Variants in SLC39A10 observed in about 807,000 individuals in gnomAD.
SLC39A10 encodes the protein zinc transporter ZIP10.
In SLC39A10, 13 loss-of-function variants were observed where a neutral mutation model predicts 65.1. The observed-to-expected ratio is 0.20, with a 90% CI of 0.13 to 0.32. SLC39A10 has a LOEUF of 0.32. Among genes scored for constraint, SLC39A10 ranks in the 10% least tolerant of loss-of-function variants. SLC39A10 has a pLI of 1.00. For missense variants in SLC39A10, 831 were observed against 1,018.4 expected (o/e 0.82, Z 2.50); for synonymous variants, 321 against 342.2 (o/e 0.94, Z 0.68).
chr2:195,666,343 T>A (rs1689636081), intron 1 of SLC39A10, among the ~76,000 whole-genome samples: 1 of 152,170 alleles, frequency 6.6e-6, no homozygotes, highest in African/African-American at 2.4e-5. Flanking sequence ...AATGGCAAGC[T>A]GGTATAAAAT....
At position 195,634,955 on chromosome 2, in the gene SLC39A10, G is replaced by A. The variant is rs558330246; in HGVS notation, c.-12+28722G>A. Reference sequence around the variant, plus strand: ...CCTAGCTACTCGGGAGGCTAAGGCAGAAGGATTGGTTGAACCTGGGAGGTG... The same window carrying A: ...CCTAGCTACTCGGGAGGCTAAGGCAAAAGGATTGGTTGAACCTGGGAGGTG... On this transcript the variant is annotated intron_variant, in intron 2 of 2. Coordinates refer to the SLC39A10 transcript ENST00000458054. Among the ~76,000 whole-genome samples, 3 of 152,292 alleles carry A rather than the reference G, an allele frequency of 2.0e-5. No individual in the cohort carries two copies. The South Asian group carries it at 6.2e-4, about 32-fold the overall frequency.
At chr2:195,721,830 G>C (rs1251212301) in intron 8 of SLC39A10, among the ~76,000 whole-genome samples, 2 of 152,012 alleles carry the variant, frequency 1.3e-5, no homozygotes, top group Non-Finnish European at 2.9e-5. Context: ...CCCACTACCT[G>C]GTAAATGGAG....
At chr2:195,623,509 A>G (rs1371007689) in intron 2 of SLC39A10, among the ~76,000 whole-genome samples, 1 of 152,198 alleles carries the variant, frequency 6.6e-6, no homozygotes, top group Non-Finnish European at 1.5e-5. Flanking sequence ...GTCACAGTAA[A>G]CCAAATACTT....
At chr2:195,626,571 A>G (rs960505337) in intron 2 of SLC39A10, among the ~76,000 whole-genome samples, 1 of 152,186 alleles carries the variant, frequency 6.6e-6, no homozygotes, top group Non-Finnish European at 1.5e-5. Context: ...GTTGTAAGAT[A>G]AGCATTACTA....
intron 2 of SLC39A10, among the ~76,000 whole-genome samples, chr2:195,618,660 G>GA (rs367971068): frequency 1.8e-4 from 27 of 152,320 alleles, no homozygotes; most frequent in African/African-American, 6.5e-4. Context: ...TCCTGGTGTA[G>GA]AATTTGGTTT....
rs143803508 is a variant in SLC39A10, at chr2:195,733,533, T to A, written c.2338-1350T>A. 2.7e-3 allele frequency among the ~76,000 whole-genome samples: 409 copies of A among 152,246 alleles called. 2 individuals carry two copies. The highest frequency in any genetic ancestry group is 9.5e-3 in the African/African-American group (395 of 41,520). On this transcript the variant is annotated intron_variant, in intron 9 of 9. Transcript: ENST00000359634. The stretch of plus-strand genomic sequence containing the variant: ...TAGAAATTAAGTATATAAACTTTTC[T>A]TTTCTTTTTTTTTTGAGACGGAGTT...
At chr2:195,626,130 T>C (rs1211030171) in intron 2 of SLC39A10, among the ~76,000 whole-genome samples, 2 of 152,212 alleles carry the variant, frequency 1.3e-5, no homozygotes, top group Non-Finnish European at 2.9e-5. Flanking sequence ...TAAGTATATA[T>C]GTACATTTTC....
chr2:195,671,735 C>T (rs900441807), intron 1 of SLC39A10: 1 of 152,182 alleles, frequency 6.6e-6, no homozygotes, highest in Non-Finnish European at 1.5e-5. Context: ...GTTGGTGAGA[C>T]CCTGGCCTCC....
In SLC39A10 at chr2:195,713,396, A is replaced by G. The variant is rs1182965125; in HGVS notation, c.1576-37A>G. On this transcript the variant is annotated intron_variant, in intron 5 of 9. Coordinates refer to ENST00000359634, the MANE Select transcript of SLC39A10 (RefSeq NM_020342.3). The stretch of plus-strand genomic sequence containing the variant: ...GTTGCTAATTGTGTCCTCACATTTT[A>G]TACTAATATCAGATACTATTTTTTT... The G allele has an allele frequency of 2.7e-6, 4 of 1,472,074 alleles. No individual in the cohort carries two copies. In the East Asian group the frequency reaches 7.3e-5, roughly 27 times the overall value. 91.2% of individuals were successfully genotyped at this position (1,472,074 alleles called of 1,614,324 possible). A position where few individuals can be genotyped will look rare whatever the true frequency, so the allele number is the denominator to read the frequency against.
At chr2:195,628,179 T>C (rs1407508789) in intron 2 of SLC39A10, among the ~76,000 whole-genome samples, 1 of 152,186 alleles carries the variant, frequency 6.6e-6, no homozygotes, top group Non-Finnish European at 1.5e-5. Flanking sequence ...TGGGAGCTTA[T>C]GAGATAACAC....
chr2:195,726,500 A>G (rs1692244742), intron 8 of SLC39A10, among the ~76,000 whole-genome samples: 1 of 152,140 alleles, frequency 6.6e-6, no homozygotes, highest in African/African-American at 2.4e-5. Context: ...GAAGAGATAA[A>G]AGCTGATATT....
chr2:195,639,811 T>C (rs571175569), intron 2 of SLC39A10, among the ~76,000 whole-genome samples: 2 of 152,158 alleles, frequency 1.3e-5, no homozygotes, highest in Admixed American at 6.5e-5. Flanking sequence ...CCTGACCACC[T>C]GGCTCAGCCT....
intron 5 of SLC39A10, among the ~76,000 whole-genome samples, chr2:195,710,920 CAA>C (rs772944477): frequency 1.2e-4 from 18 of 151,986 alleles, no homozygotes; most frequent in Non-Finnish European, 2.4e-4. Context: ...TGCAGGGAAA[CAA>C]GAGTTGGCTA....
intron 1 of SLC39A10, chr2:195,658,562 A>C (rs1339702050): frequency 6.6e-6 from 1 of 152,238 alleles, no homozygotes; most frequent in Non-Finnish European, 1.5e-5. Context: ...ATGTGTATCT[A>C]AATTGTACAT....
At chr2:195,675,612 T>G (rs184538545) in intron 1 of SLC39A10, among the ~76,000 whole-genome samples, 39 of 152,098 alleles carry the variant, frequency 2.6e-4, no homozygotes, top group African/African-American at 8.0e-4. Context: ...TTTTGAATCT[T>G]CAGTAGAGAT....
chr2:195,709,047 CAG>C (rs1691508395), intron 5 of SLC39A10, among the ~76,000 whole-genome samples: 1 of 151,958 alleles, frequency 6.6e-6, no homozygotes, highest in Non-Finnish European at 1.5e-5. Context: ...TTTTTTGAGA[CAG>C]GGTCTCCCTC....
At chr2:195,734,129 C>T (rs1016054814) in intron 9 of SLC39A10, among the ~76,000 whole-genome samples, 2 of 143,460 alleles carry the variant, frequency 1.4e-5, no homozygotes, top group Non-Finnish European at 3.0e-5. Flanking sequence ...TTGAATTAGG[C>T]CATTTCCCAA....
chr2:195,707,402 C>A (rs1001531748), intron 4 of SLC39A10, among the ~76,000 whole-genome samples: 2 of 152,090 alleles, frequency 1.3e-5, no homozygotes, highest in Non-Finnish European at 2.9e-5. Flanking sequence ...TTCACTCTTA[C>A]TATTTTTACT....
Position 195,657,441 on chromosome 2 carries a change from C to G in SLC39A10, c.-12+160C>G, listed in dbSNP as rs543336350. On this transcript the variant is annotated intron_variant, in intron 1 of 9. Coordinates refer to ENST00000359634, the MANE Select transcript of SLC39A10 (RefSeq NM_020342.3). ...GGGGATGCGGGCGCTGGGGTTCCCGCAGCTGCTGCAGTCGGCGGCGGCCAG... is the reference window on the plus strand; with the variant it reads ...GGGGATGCGGGCGCTGGGGTTCCCGGAGCTGCTGCAGTCGGCGGCGGCCAG... The G allele has an allele frequency of 3.4e-4, 334 of 985,972 alleles. No homozygotes were observed. In the African/African-American group the frequency reaches 5.0e-3, roughly 15 times the overall value. The allele number at this position is 985,972 out of a possible 1,614,324, so 61.1% of individuals were successfully genotyped here.
Sources: gnomAD v4.1 joint callset for allele counts (sites outside exome capture counted in the v4.1 genomes callset) on GRCh38, gnomAD v4.1.1 for gene constraint, MANE v1.5 for transcripts, NCBI Gene and HGNC (gene_info 2026-07-23, HGNC 2026-07-21) for gene names.